NANS: variants seen among roughly 807,000 people sequenced by gnomAD.
NANS encodes N-acetylneuraminate-9-phosphate synthase.
In NANS, 29 loss-of-function variants were observed where a neutral mutation model predicts 33.3. The ratio of observed to expected loss-of-function variants is 0.87; its 90% confidence interval spans 0.65 to 1.19. The LOEUF (loss-of-function observed/expected upper bound fraction) is 1.19, where lower values mean the gene tolerates loss of function less well. Among genes scored for constraint, NANS ranks in the 50% most tolerant of loss-of-function variants. NANS has a pLI of 0.00. For missense variants in NANS, 394 were observed against 461.1 expected, an observed-to-expected ratio of 0.85 and a Z score of 1.33; for synonymous variants, 163 against 177.2, an observed-to-expected ratio of 0.92 and a Z score of 0.64.
rs1410413075 is a variant in NANS at position 98,081,042 on chromosome 9, C to T, written c.830C>T (p.Thr277Ile). ...RLVERALGSP[T>I]KQLLPCEMAC... is the part of the protein sequence containing the mutation. ...GTGGAGCGTGCCCTGGGCTCCCCAA[C>T]CAAGCAGCTGCTGCCCTGTGAGATG... is the stretch of plus-strand genomic sequence containing the variant. The change falls in exon 5 of 6, where the codon ACC (threonine) becomes ATC (isoleucine). Residue 277 changes from threonine (T) to isoleucine (I), a missense_variant. Physicochemically the swap from Thr to Ile is moderately conservative, Grantham distance 89 (BLOSUM62 -1). Coordinates refer to ENST00000210444, the MANE Select transcript of NANS (RefSeq NM_018946.4). 6.2e-6 allele frequency: 10 copies of T among 1,614,006 alleles called. No homozygotes were observed. Among genetic ancestry groups the T allele is most frequent in the African/African-American group, 1.3e-5 (1 of 74,900 alleles).
chr9:98,073,502 G>A (rs1236396858), intron 2 of NANS, among the ~76,000 whole-genome samples: 2 of 150,856 alleles, frequency 1.3e-5, no homozygotes, highest in Non-Finnish European at 3.0e-5. Flanking sequence ...CCAGGCTGGT[G>A]TCAAACTCCT....
In NANS at chr9:98,060,941, C is replaced by G. The variant is rs1322473929; in HGVS notation, c.292C>G (p.Leu98Val). 2 of 1,614,094 alleles carry G rather than the reference C, an allele frequency of 1.2e-6. No individual in the cohort carries two copies. The highest frequency in any genetic ancestry group is 1.7e-6 in the Non-Finnish European group (2 of 1,180,056). Reference sequence around the variant, plus strand: ...GTTCAGCCATGACCAGTACAGGGAGCTGCAGAGGTACGCCGAGGAGGTTGG... The same window carrying G: ...GTTCAGCCATGACCAGTACAGGGAGGTGCAGAGGTACGCCGAGGAGGTTGG... ...LEFSHDQYRELQRYAEEVGIF... is the reference protein window; with the variant it reads ...LEFSHDQYREVQRYAEEVGIF... Residue 98 changes from leucine (L) to valine (V), a missense_variant, in exon 2 of 6, where the codon CTG becomes GTG. Transcript: ENST00000210444.
intron 1 of NANS, among the ~76,000 whole-genome samples, chr9:98,060,267 G>C (rs1257788670): frequency 6.6e-6 from 1 of 152,152 alleles, no homozygotes; most frequent in Non-Finnish European, 1.5e-5. Context: ...AATAGGGGGA[G>C]GTCTCCCATC....
rs141916862 is a variant in NANS, at chr9:98,078,301, G to C, written c.557G>C (p.Ser186Thr). Residue 186 changes from serine (S) to threonine (T), a missense_variant, in exon 4 of 6, where the codon AGC (serine) becomes ACC (threonine). Physicochemically the swap from Ser to Thr is moderately conservative, Grantham distance 58. Coordinates refer to ENST00000210444, the MANE Select transcript of NANS (RefSeq NM_018946.4). ...AACTTCTGCTTCTTGCAGTGTACCA[G>C]CGCATACCCGCTCCAGCCTGAGGAC... ...NPNFCFLQCT[S>T]AYPLQPEDVN... The C allele has an allele frequency of 3.7e-6, 6 of 1,613,926 alleles. No individual in the cohort carries two copies. The African/African-American group carries it at 8.0e-5, about 22-fold the overall frequency.
At position 98,062,468 on chromosome 9, in the gene NANS, T is replaced by C. The variant is rs75743655; in HGVS notation, c.348+1471T>C. Among the ~76,000 whole-genome samples the C allele has an allele frequency of 4.6e-3, 704 of 152,262 alleles. 3 individuals are homozygous for C. The highest frequency in any genetic ancestry group is 0.016 in the African/African-American group (667 of 41,548). On this transcript the variant is annotated intron_variant, in intron 2 of 5. Transcript: ENST00000210444. Reference sequence around the variant, plus strand: ...GTTCTTTTGAATGTAAAAAAAATTTTACTTGTAAAAATAACATTACAGAAA... The same window carrying C: ...GTTCTTTTGAATGTAAAAAAAATTTCACTTGTAAAAATAACATTACAGAAA...
intron 4 of NANS, 101 bp from the exon 5 acceptor site, chr9:98,080,715 A>T: frequency 7.5e-7 from 1 of 1,337,048 alleles, no homozygotes; most frequent in Non-Finnish European, 1.0e-6. Flanking sequence ...CTGCACAGCT[A>T]GTGAGTGGCT....
intron 2 of NANS, chr9:98,069,223 G>A (rs1829238877): frequency 6.6e-6 from 1 of 152,134 alleles, no homozygotes; most frequent in Non-Finnish European, 1.5e-5. Context: ...GAAACAAACT[G>A]TAGTACATGC....
At position 98,060,952 on chromosome 9, in the gene NANS, C is replaced by T. The variant is rs376130327; in HGVS notation, c.303C>T (p.Tyr101=). The T allele has an allele frequency of 3.8e-5, 61 of 1,614,016 alleles. No homozygotes were observed. The highest frequency in any genetic ancestry group is 1.2e-4 in the South Asian group (11 of 91,082). The stretch of plus-strand genomic sequence containing the variant: ...ACCAGTACAGGGAGCTGCAGAGGTA[C>T]GCCGAGGAGGTTGGGATCTTCTTCA... The part of the protein sequence containing the change: ...SHDQYRELQR[Y]AEEVGIFFTA... The change falls in exon 2 of 6, where the codon TAC becomes TAT. Residue 101 remains tyrosine (Y), a synonymous_variant. Transcript: ENST00000210444.
intron 2 of NANS, among the ~76,000 whole-genome samples, chr9:98,067,305 A>G (rs182023477): frequency 2.0e-5 from 3 of 152,230 alleles, no homozygotes; most frequent in East Asian, 1.9e-4. Context: ...TGGTAACTCT[A>G]TGTTTAACTT....
intron 2 of NANS, among the ~76,000 whole-genome samples, chr9:98,068,605 G>C (rs554769305): frequency 2.0e-5 from 3 of 151,098 alleles, no homozygotes; most frequent in African/African-American, 7.3e-5. Context: ...CTTGAGGCCA[G>C]GAGTTCAAGA....
At chr9:98,063,174 C>A (rs537400060) in intron 2 of NANS, among the ~76,000 whole-genome samples, 17 of 151,812 alleles carry the variant, frequency 1.1e-4, no homozygotes, top group African/African-American at 4.1e-4. Context: ...CCCATCCGCC[C>A]GCCCCAGCCT....
intron 2 of NANS, chr9:98,074,984 GACACAA>G (rs1335679169): frequency 6.6e-6 from 1 of 152,148 alleles, no homozygotes; most frequent in African/African-American, 2.4e-5. Context: ...AGTGTTATGA[GACACAA>G]ACAGGAAGGA....
intron 2 of NANS, among the ~76,000 whole-genome samples, chr9:98,071,037 T>G (rs1829318272): frequency 6.6e-6 from 1 of 151,944 alleles, no homozygotes; most frequent in Non-Finnish European, 1.5e-5. Context: ...GGTCTTAAAC[T>G]CTGGGCCTCA....
In NANS at chr9:98,078,283, G is replaced by A. The variant is rs1829684030; in HGVS notation, c.539G>A (p.Cys180Tyr). The change falls in exon 4 of 6, where the codon TGC (cysteine) becomes TAC (tyrosine). Residue 180 changes from cysteine (C) to tyrosine (Y), a missense_variant. Physicochemically the swap from Cys to Tyr is radical, Grantham distance 194 (BLOSUM62 -2). Coordinates refer to ENST00000210444, the MANE Select transcript of NANS (RefSeq NM_018946.4). ...GTGAAGCCCCTCAACCCCAACTTCT[G>A]CTTCTTGCAGTGTACCAGCGCATAC... is the stretch of plus-strand genomic sequence containing the variant. ...QIVKPLNPNFCFLQCTSAYPL... is the reference protein window; with the variant it reads ...QIVKPLNPNFYFLQCTSAYPL... The A allele has an allele frequency of 6.2e-7, 1 of 1,613,972 alleles. No individual in the cohort carries two copies. The highest frequency in any genetic ancestry group is 8.5e-7 in the Non-Finnish European group (1 of 1,180,044).
chr9:98,071,962 G>A (rs1008199462), intron 2 of NANS, among the ~76,000 whole-genome samples: 4 of 152,204 alleles, frequency 2.6e-5, no homozygotes, highest in East Asian at 1.9e-4. Context: ...TTGAGAACCC[G>A]GAGCAGTTGG....
At chr9:98,080,452 C>T (rs561342195) in intron 4 of NANS, among the ~76,000 whole-genome samples, 1 of 152,356 alleles carries the variant, frequency 6.6e-6, no homozygotes, top group Admixed American at 6.5e-5. Context: ...TTGCTTTCAG[C>T]AGCTCAGGCT....
Position 98,077,010 on chromosome 9 carries a change from C to A in NANS, c.441C>A (p.Ala147=), listed in dbSNP as rs1564163705. Residue 147 remains alanine, a synonymous_variant, in exon 3 of 6, where the codon GCC becomes GCA. Transcript: ENST00000210444. The part of the protein sequence containing the change: ...TNNFPYLEKT[A]KKGRPMVISS... ...ATTTTCCTTATCTGGAAAAGACAGC[C>A]AAAAAAGGTAAGTGTCTAATTTTTG... 3.1e-6 allele frequency: 5 copies of A among 1,599,848 alleles called. No homozygotes were observed. The Admixed American group carries it at 5.2e-5, about 17-fold the overall frequency.
chr9:98,064,055 C>A (rs1829062584), intron 2 of NANS, among the ~76,000 whole-genome samples: 1 of 152,112 alleles, frequency 6.6e-6, no homozygotes, highest in Non-Finnish European at 1.5e-5. Context: ...TGTGTGTCGA[C>A]TGAGTTGAAA....
chr9:98,076,866 A>G (rs1829614635), intron 2 of NANS, 52 bp from the exon 3 acceptor site: 9 of 1,446,152 alleles, frequency 6.2e-6, no homozygotes, highest in Non-Finnish European at 8.7e-6. Flanking sequence ...CTGTCATAAC[A>G]ACAGTGTTTT....
Sources: gnomAD v4.1 joint callset for allele counts (sites outside exome capture counted in the v4.1 genomes callset) on GRCh38, gnomAD v4.1.1 for gene constraint, MANE v1.5 for transcripts, NCBI Gene and HGNC (gene_info 2026-07-23, HGNC 2026-07-21) for gene names.